KIF6: variants seen among roughly 807,000 people sequenced by gnomAD.
KIF6 encodes the protein kinesin-like protein KIF6.
In KIF6, 106 loss-of-function variants were observed where a neutral mutation model predicts 112.7. The ratio of observed to expected loss-of-function variants is 0.94; its 90% confidence interval spans 0.80 to 1.11. The LOEUF (loss-of-function observed/expected upper bound fraction) is 1.11, where lower values mean the gene tolerates loss of function less well. KIF6 is among the 50% of genes least tolerant of loss of function. The probability of loss-of-function intolerance (pLI) is 0.00; values close to 1 mark genes in which losing one functional copy is unlikely to be tolerated. For synonymous variants in KIF6, 339 were observed against 339.9 expected (o/e 1.00, Z 0.03); for missense variants, 929 against 964.0 (o/e 0.96, Z 0.48).
intron 7 of KIF6, among the ~76,000 whole-genome samples, chr6:39,588,893 G>C (rs141291663): frequency 1.7e-3 from 257 of 152,206 alleles, no homozygotes; most frequent in African/African-American, 5.9e-3. Flanking sequence ...AACCACACAC[G>C]CCTTGGATTA....
chr6:39,689,844 A>G (rs1788084377), intron 3 of KIF6: 1 of 152,244 alleles, frequency 6.6e-6, no homozygotes. Flanking sequence ...GGCTCAGGCA[A>G]TCTTTCCACC....
chr6:39,341,805 T>C (rs1438998383), intron 22 of KIF6, among the ~76,000 whole-genome samples: 2 of 152,144 alleles, frequency 1.3e-5, no homozygotes, highest in African/African-American at 4.8e-5. Flanking sequence ...ACTCTCCTCT[T>C]TCTCTTGCAT....
chr6:39,340,763 C>T (rs9471076), intron 22 of KIF6, among the ~76,000 whole-genome samples: 19,450 of 151,990 alleles, frequency 0.13, 1,389 homozygotes, highest in Middle Eastern at 0.26. Flanking sequence ...CCTGGACTTC[C>T]GCCTCTTCTG....
At chr6:39,484,225 G>A (rs1774981300) in intron 13 of KIF6, among the ~76,000 whole-genome samples, 1 of 152,326 alleles carries the variant, frequency 6.6e-6, no homozygotes, top group East Asian at 1.9e-4. Flanking sequence ...TACAGGGCCT[G>A]CTCCATGGCA....
At chr6:39,573,831 C>T (rs1305063081) in intron 10 of KIF6, among the ~76,000 whole-genome samples, 1 of 152,174 alleles carries the variant, frequency 6.6e-6, no homozygotes, top group Non-Finnish European at 1.5e-5. Context: ...TCATGTCTGT[C>T]ACCACCACTA....
rs533317400 is a variant in KIF6 at position 39,386,712 on chromosome 6, C to T, written c.1811-1040G>A. ...GGTAGGATCTGGGAGGCAATGACCT[C>T]CAGGCTTCCTCCGTCTCTAAAATTC... is the stretch of plus-strand genomic sequence containing the variant. On this transcript the variant is annotated intron_variant, in intron 15 of 22. Transcript: ENST00000287152. 3.3e-5 allele frequency among the ~76,000 whole-genome samples: 5 copies of T among 152,124 alleles called. No individual in the cohort carries two copies. In the South Asian group the frequency reaches 8.3e-4, roughly 25 times the overall value.
chr6:39,407,781 C>T (rs1469043863), intron 15 of KIF6, among the ~76,000 whole-genome samples: 1 of 152,150 alleles, frequency 6.6e-6, no homozygotes, highest in Non-Finnish European at 1.5e-5. Context: ...AACAAATGAT[C>T]TGAAATCACC....
chr6:39,668,912 T>C (rs542294056), intron 3 of KIF6, among the ~76,000 whole-genome samples: 4 of 152,244 alleles, frequency 2.6e-5, no homozygotes, highest in African/African-American at 9.6e-5. Context: ...TTTTAAATTA[T>C]AATAATAGAA....
intron 18 of KIF6, among the ~76,000 whole-genome samples, chr6:39,358,611 A>T (rs1324985137): frequency 6.6e-6 from 1 of 152,188 alleles, no homozygotes; most frequent in African/African-American, 2.4e-5. Flanking sequence ...TCCCTCGGGC[A>T]CCAGCTGGGG....
chr6:39,520,295 A>G (rs1461333476), intron 13 of KIF6, among the ~76,000 whole-genome samples: 1 of 152,210 alleles, frequency 6.6e-6, no homozygotes, highest in Non-Finnish European at 1.5e-5. Context: ...CATAAGACCC[A>G]CTTATAGGAA....
At chr6:39,452,172 C>G (rs1772742122) in intron 13 of KIF6, among the ~76,000 whole-genome samples, 1 of 152,152 alleles carries the variant, frequency 6.6e-6, no homozygotes, top group Admixed American at 6.5e-5. Context: ...GAAAACAATA[C>G]CAAGGGCTTG....
chr6:39,717,042 C>T (rs1266867829), intron 2 of KIF6, among the ~76,000 whole-genome samples: 1 of 152,178 alleles, frequency 6.6e-6, no homozygotes, highest in African/African-American at 2.4e-5. Context: ...TAATTTCTTG[C>T]CTGGTATCTC....
intron 16 of KIF6, among the ~76,000 whole-genome samples, chr6:39,367,602 A>C (rs1316018392): frequency 6.6e-6 from 1 of 152,094 alleles, no homozygotes; most frequent in Non-Finnish European, 1.5e-5. Context: ...ACAGACGCAC[A>C]GTCCCAGGCT....
intron 13 of KIF6, among the ~76,000 whole-genome samples, chr6:39,471,107 A>ATT (rs1774093170): frequency 6.6e-6 from 1 of 152,194 alleles, no homozygotes; most frequent in Non-Finnish European, 1.5e-5. Flanking sequence ...GCCAAAAGAA[A>ATT]TGTGACACCT....
chr6:39,526,119 T>C (rs1777710320), intron 13 of KIF6, among the ~76,000 whole-genome samples: 1 of 152,208 alleles, frequency 6.6e-6, no homozygotes, highest in African/African-American at 2.4e-5. Context: ...CTTCTAGTCA[T>C]TTCCCTGCTG....
intron 13 of KIF6, among the ~76,000 whole-genome samples, chr6:39,515,353 C>T (rs916088352): frequency 3.3e-5 from 5 of 152,312 alleles, no homozygotes; most frequent in African/African-American, 4.8e-5. Context: ...GACACCAAAA[C>T]GGACCTTTCC....
intron 7 of KIF6, among the ~76,000 whole-genome samples, chr6:39,594,267 G>A (rs1314191355): frequency 2.0e-5 from 3 of 151,878 alleles, no homozygotes; most frequent in African/African-American, 4.8e-5. Context: ...CAATTGGTGG[G>A]AAGTCTGATT....
chr6:39,543,583 C>T (rs536688659), intron 12 of KIF6, among the ~76,000 whole-genome samples: 28 of 151,716 alleles, frequency 1.8e-4, no homozygotes, highest in African/African-American at 6.6e-4. Context: ...ATGCATTTTG[C>T]ATAAATAGCT....
rs1470699188 is a variant in KIF6 at position 39,639,771 on chromosome 6, A to G, written c.252-14T>C. ...CCTGCCAGGACACTGCAATAAAGAA[A>G]TGACACACTTTCAATATCAACATGG... On this transcript the variant is annotated splice_polypyrimidine_tract_variant and intron_variant, in intron 3 of 22. Coordinates refer to ENST00000287152, the MANE Select transcript of KIF6 (RefSeq NM_145027.6). The G allele has an allele frequency of 8.1e-6, 13 of 1,604,318 alleles. No homozygotes were observed. Among genetic ancestry groups the G allele is most frequent in the Non-Finnish European group, 1.1e-5 (13 of 1,176,158 alleles).
Sources: allele counts gnomAD v4.1 joint callset (sites outside exome capture counted in the v4.1 genomes callset), GRCh38; gene constraint gnomAD v4.1.1; transcripts MANE v1.5; gene names NCBI Gene and HGNC (gene_info 2026-07-23, HGNC 2026-07-21).